Variants in ENOX2 observed in about 807,000 individuals in gnomAD.
The protein encoded by ENOX2 is APK1 antigen.
In ENOX2, 36 loss-of-function variants were observed where a neutral mutation model predicts 45.0. The observed-to-expected ratio is 0.80, with a 90% CI of 0.61 to 1.06. The LOEUF (loss-of-function observed/expected upper bound fraction) is 1.06. Among genes scored for constraint, ENOX2 ranks in the 50% least tolerant of loss-of-function variants. The pLI is 0.00. For synonymous variants in ENOX2, 174 were observed against 152.3 expected (o/e 1.14, Z -1.05); for missense variants, 423 against 462.5 (o/e 0.91, Z 0.78).
intron 5 of ENOX2, among the ~76,000 whole-genome samples, chrX:130,682,013 C>T (rs1377517262): frequency 2.0e-5 from 2 of 102,421 alleles, no homozygotes; most frequent in South Asian, 4.4e-4. Flanking sequence ...CCATGGAACA[C>T]AACCCCCCCC....
chrX:130,728,787 G>A (rs749847658), intron 3 of ENOX2, among the ~76,000 whole-genome samples: 2 of 111,471 alleles, frequency 1.8e-5, no homozygotes, highest in Non-Finnish European at 3.8e-5. Flanking sequence ...TAGGGAGGAT[G>A]GACTTTTCCT....
chrX:130,808,490 T>G (rs2077342499), intron 2 of ENOX2, among the ~76,000 whole-genome samples: 1 of 111,958 alleles, frequency 8.9e-6, no homozygotes, highest in African/African-American at 3.2e-5. Context: ...TTAGAAGGTA[T>G]TACTGGTAAT....
At chrX:130,892,468 CT>C (rs955363000) in intron 2 of ENOX2, among the ~76,000 whole-genome samples, 3 of 112,327 alleles carry the variant, frequency 2.7e-5, no homozygotes, top group Admixed American at 9.4e-5. Flanking sequence ...AGACATCCTG[CT>C]TTCCCCCAAT....
chrX:130,626,089 G>A (rs2035540091), intron 14 of ENOX2, among the ~76,000 whole-genome samples: 1 of 111,590 alleles, frequency 9.0e-6, no homozygotes, highest in South Asian at 3.8e-4. Flanking sequence ...GAGCACCAGG[G>A]GATCCTGAAA....
At chrX:130,889,775 G>A (rs1374370581) in intron 2 of ENOX2, among the ~76,000 whole-genome samples, 1 of 112,395 alleles carries the variant, frequency 8.9e-6, no homozygotes, top group South Asian at 3.7e-4. Context: ...ACTGCTTAGG[G>A]AAACAGTCAA....
intron 5 of ENOX2, among the ~76,000 whole-genome samples, chrX:130,681,851 C>T (rs1243115659): frequency 9.0e-6 from 1 of 111,189 alleles, no homozygotes; most frequent in African/African-American, 3.3e-5. Flanking sequence ...TAAAGTCCTA[C>T]CAGAAGTCTG....
chrX:130,826,797 A>G (rs1400419025), intron 2 of ENOX2, among the ~76,000 whole-genome samples: 6 of 111,946 alleles, frequency 5.4e-5, no homozygotes, highest in African/African-American at 1.3e-4. Flanking sequence ...TATGGTCTTA[A>G]AATGGTTTAA....
At chrX:130,641,741 A>C (rs937741819) in intron 10 of ENOX2, among the ~76,000 whole-genome samples, 254 of 106,406 alleles carry the variant, frequency 2.4e-3, no homozygotes, top group African/African-American at 8.4e-3. Flanking sequence ...AAAAAAAAAA[A>C]GAGAGAATTA....
intron 3 of ENOX2, among the ~76,000 whole-genome samples, chrX:130,709,507 T>C (rs2066357841): frequency 9.3e-6 from 1 of 107,817 alleles, no homozygotes; most frequent in African/African-American, 3.4e-5. Flanking sequence ...GGCGTGGTGG[T>C]GTATGCCTGT....
chrX:130,716,397 C>T (rs1407893030), intron 3 of ENOX2, among the ~76,000 whole-genome samples: 1 of 111,830 alleles, frequency 8.9e-6, no homozygotes, highest in Non-Finnish European at 1.9e-5. Flanking sequence ...CTGCCAAAAC[C>T]TATTTGCTTT....
intron 2 of ENOX2, among the ~76,000 whole-genome samples, chrX:130,816,604 A>G (rs1377815852): frequency 8.9e-6 from 1 of 112,308 alleles, no homozygotes; most frequent in African/African-American, 3.2e-5. Context: ...CTCAGGATAA[A>G]GAAACTCACA....
intron 2 of ENOX2, among the ~76,000 whole-genome samples, chrX:130,856,726 A>G (rs1198630879): frequency 8.9e-6 from 1 of 111,968 alleles, no homozygotes; most frequent in East Asian, 2.8e-4. Flanking sequence ...TCCCTGGAAC[A>G]TTCTTCATGA....
intron 4 of ENOX2, among the ~76,000 whole-genome samples, chrX:130,694,061 T>G (rs999042651): frequency 9.0e-6 from 1 of 111,666 alleles, no homozygotes; most frequent in East Asian, 2.8e-4. Context: ...GGTATCCCAG[T>G]TGATATCATA....
chrX:130,681,058 T>C (rs1013756034), intron 5 of ENOX2, among the ~76,000 whole-genome samples: 9 of 112,498 alleles, frequency 8.0e-5, no homozygotes, highest in African/African-American at 2.6e-4. Context: ...AAGTCTGTAA[T>C]TTCAAGACCT....
intron 3 of ENOX2, among the ~76,000 whole-genome samples, chrX:130,776,734 G>A (rs1283864003): frequency 8.9e-6 from 1 of 111,895 alleles, no homozygotes; most frequent in Non-Finnish European, 1.9e-5. Flanking sequence ...AGTATAAAAT[G>A]TTTTCCTGCT....
chrX:130,632,290 G>A (rs2035768928), intron 12 of ENOX2, among the ~76,000 whole-genome samples: 1 of 100,715 alleles, frequency 9.9e-6, no homozygotes, highest in Non-Finnish European at 2.0e-5. Context: ...AAATGACCAT[G>A]ACAAAAAATA....
chrX:130,802,931 G>T (rs1289951595), intron 2 of ENOX2, among the ~76,000 whole-genome samples: 9 of 111,857 alleles, frequency 8.0e-5, no homozygotes, highest in Non-Finnish European at 1.5e-4. Flanking sequence ...AAAATATTTT[G>T]TCTGTATTAG....
chrX:130,809,512 T>C (rs1239741464), intron 2 of ENOX2, among the ~76,000 whole-genome samples: 2 of 112,016 alleles, frequency 1.8e-5, no homozygotes, highest in Admixed American at 9.4e-5. Context: ...AAGATCGATG[T>C]TTTTTTATTC....
chrX:130,853,066 G>A (rs2078239598), intron 2 of ENOX2, among the ~76,000 whole-genome samples: 1 of 109,870 alleles, frequency 9.1e-6, no homozygotes, highest in Non-Finnish European at 1.9e-5. Flanking sequence ...CCCAGGGAAT[G>A]ACAAAGTGGT....
Sources: allele counts gnomAD v4.1 joint callset (sites outside exome capture counted in the v4.1 genomes callset), GRCh38; gene constraint gnomAD v4.1.1; transcripts MANE v1.5; gene names NCBI Gene and HGNC (gene_info 2026-07-23, HGNC 2026-07-21).